DLGAP3: variants seen among roughly 807,000 people sequenced by gnomAD.
The protein encoded by DLGAP3 is disks large-associated protein 3.
DLGAP3 carries 17 observed loss-of-function variants against 81.2 expected under a neutral mutation model. The observed-to-expected ratio is 0.21, with a 90% CI of 0.14 to 0.31. The LOEUF (loss-of-function observed/expected upper bound fraction) is 0.31, where lower values mean the gene tolerates loss of function less well. DLGAP3 is among the 10% of genes least tolerant of loss of function. The pLI is 1.00. For missense variants in DLGAP3, 1,124 were observed against 1,388.0 expected, an observed-to-expected ratio of 0.81 and a Z score of 3.02; for synonymous variants, 577 against 587.4, an observed-to-expected ratio of 0.98 and a Z score of 0.26.
intron 8 of DLGAP3, among the ~76,000 whole-genome samples, chr1:34,882,900 C>T (rs983645659): frequency 1.3e-5 from 2 of 152,112 alleles, no homozygotes; most frequent in African/African-American, 2.4e-5. Context: ...TTTCAGTTCC[C>T]GATGCATGTC....
chr1:34,911,419 T>C (rs1215254222), intron 1 of DLGAP3, among the ~76,000 whole-genome samples: 3 of 152,214 alleles, frequency 2.0e-5, no homozygotes. Context: ...ATGACAATTC[T>C]GGGTGCTGGT....
intron 1 of DLGAP3, 55 bp from the exon 2 acceptor site, chr1:34,907,492 C>A (rs995385502): frequency 7.9e-5 from 12 of 152,758 alleles, no homozygotes; most frequent in African/African-American, 2.9e-4. Context: ...TTCCCACAGT[C>A]CTCAGAGGAC....
At chr1:34,917,777 C>T (rs936738470) in intron 1 of DLGAP3, among the ~76,000 whole-genome samples, 2 of 152,202 alleles carry the variant, frequency 1.3e-5, no homozygotes, top group African/African-American at 2.4e-5. Context: ...CACATCTGCT[C>T]AAGGTCATTC....
intron 1 of DLGAP3, among the ~76,000 whole-genome samples, chr1:34,918,206 G>A (rs1047509753): frequency 1.3e-5 from 2 of 152,184 alleles, no homozygotes; most frequent in South Asian, 4.1e-4. Context: ...AAGCAGCTTG[G>A]GAAGACAGCC....
At chr1:34,871,030 G>A (rs1009154182) in intron 8 of DLGAP3, among the ~76,000 whole-genome samples, 2 of 152,124 alleles carry the variant, frequency 1.3e-5, no homozygotes, top group Non-Finnish European at 2.9e-5. Context: ...TGCCAAGGTA[G>A]TTCCTCTCTC....
chr1:34,868,823 G>T lies in DLGAP3; in HGVS notation c.2267C>A (p.Pro756His). 1 of 1,580,858 alleles carries T rather than the reference G, an allele frequency of 6.3e-7. No homozygotes were observed. ...PYEPPATDGS[P>H]GPAPAPTPGP... Reference sequence around the variant, plus strand: ...GGGGGTGGGGGCGGGGGCAGGGCCGGGCGACCCATCGGTGGCCGGCGGCTC... The same window carrying T: ...GGGGGTGGGGGCGGGGGCAGGGCCGTGCGACCCATCGGTGGCCGGCGGCTC... The change falls in exon 9 of 12, where the codon CCC becomes CAC. Residue 756 changes from proline (P) to histidine (H), a missense_variant. By Grantham distance (77) the Pro-to-His change is moderately conservative. Transcript: ENST00000373347. This position sits in a 1 kb window ranked among gnomAD's most constrained non-coding sequence, Gnocchi z 7.5.
At chr1:34,876,517 G>A (rs921953292) in intron 8 of DLGAP3, among the ~76,000 whole-genome samples, 2 of 152,180 alleles carry the variant, frequency 1.3e-5, no homozygotes, top group African/African-American at 2.4e-5. Flanking sequence ...TTCATGGCTC[G>A]CTTTTATGCA....
In DLGAP3 at chr1:34,904,175, C is replaced by T; in HGVS notation, c.1107+102G>A. 6.9e-7 allele frequency: 1 copy of T among 1,453,612 alleles called. No homozygotes were observed. Among genetic ancestry groups the T allele is most frequent in the East Asian group, 2.3e-5 (1 of 44,238 alleles). 90.0% of individuals were successfully genotyped at this position (1,453,612 alleles called of 1,614,324 possible). A position where few individuals can be genotyped will look rare whatever the true frequency, so the allele number is the denominator to read the frequency against. ...GCCTCCCTACACCCAGGCCCTCCAT[C>T]ACAGGGACAGCTGGCTCCCACCCAA... is the stretch of plus-strand genomic sequence containing the variant. On this transcript the variant is annotated intron_variant, in intron 3 of 11. Transcript: ENST00000373347. This position sits in a 1 kb window ranked among gnomAD's most constrained non-coding sequence, Gnocchi z 8.1.
intron 5 of DLGAP3, among the ~76,000 whole-genome samples, chr1:34,891,180 G>A (rs1454975123): frequency 6.6e-6 from 1 of 152,114 alleles, no homozygotes; most frequent in Non-Finnish European, 1.5e-5. Context: ...CTGGACTTTG[G>A]GTAAGAATAG....
Position 34,891,154 on chromosome 1 carries a change from G to A in DLGAP3, c.1387-4869C>T, listed in dbSNP as rs140163718. On this transcript the variant is annotated intron_variant, in intron 5 of 11. Transcript: ENST00000373347. The stretch of plus-strand genomic sequence containing the variant: ...TCAAAGACATACAACAAAGAAACAT[G>A]TATTCATAAAAATTACTGGACTTTG... 3.2e-3 allele frequency among the ~76,000 whole-genome samples: 485 copies of A among 152,280 alleles called. 1 individual carries two copies. Among genetic ancestry groups the A allele is most frequent in the Non-Finnish European group, 4.9e-3 (331 of 68,026 alleles).
At chr1:34,925,823 G>A (rs1487128211) in intron 1 of DLGAP3, among the ~76,000 whole-genome samples, 1 of 152,116 alleles carries the variant, frequency 6.6e-6, no homozygotes, top group African/African-American at 2.4e-5. Flanking sequence ...CTGGAAGGAA[G>A]AAGAAGGAAC....
intron 8 of DLGAP3, among the ~76,000 whole-genome samples, chr1:34,875,446 T>G (rs1189341705): frequency 6.6e-6 from 1 of 152,242 alleles, no homozygotes; most frequent in Non-Finnish European, 1.5e-5. Context: ...TCATTATTTA[T>G]CTGATCATCA....
intron 5 of DLGAP3, 133 bp from the exon 6 acceptor site, chr1:34,886,418 A>G: frequency 2.3e-6 from 2 of 871,882 alleles, no homozygotes; most frequent in Non-Finnish European, 3.4e-6. Flanking sequence ...ATTTGAACTA[A>G]AAGAAACTCT....
intron 8 of DLGAP3, among the ~76,000 whole-genome samples, chr1:34,882,884 A>G (rs2148400277): frequency 6.6e-6 from 1 of 152,086 alleles, no homozygotes; most frequent in Middle Eastern, 3.4e-3. Flanking sequence ...AGCCACATGG[A>G]CCTTCTTTCA....
At chr1:34,893,855 A>G (rs192792789) in intron 5 of DLGAP3, among the ~76,000 whole-genome samples, 1 of 152,362 alleles carries the variant, frequency 6.6e-6, no homozygotes, top group East Asian at 1.9e-4. Flanking sequence ...CAGAGGATCA[A>G]AAAATAATAT....
intron 5 of DLGAP3, among the ~76,000 whole-genome samples, chr1:34,899,074 C>T (rs1001985400): frequency 1.4e-5 from 2 of 145,842 alleles, no homozygotes; most frequent in Admixed American, 7.1e-5. Context: ...CCTGTCTGTA[C>T]AAATCAATTC....
chr1:34,884,861 T>C, intron 8 of DLGAP3, 117 bp downstream of exon 8: 1 of 820,900 alleles, frequency 1.2e-6, no homozygotes. Flanking sequence ...ATAAAAAGGC[T>C]TGGTCTCACT....
At chr1:34,910,220 C>G (rs1344931093) in intron 1 of DLGAP3, among the ~76,000 whole-genome samples, 1 of 152,218 alleles carries the variant, frequency 6.6e-6, no homozygotes, top group Admixed American at 6.5e-5. Flanking sequence ...GGAATGCGCT[C>G]TTTATTTAAA....
chr1:34,875,220 A>G (rs4652865), intron 8 of DLGAP3, among the ~76,000 whole-genome samples: 113,532 of 151,998 alleles, frequency 0.75, 43,410 homozygotes, highest in Non-Finnish European at 0.83. Context: ...CCCTTCCCAA[A>G]CTCCCAAAGC....
Sources: allele counts gnomAD v4.1 joint callset (sites outside exome capture counted in the v4.1 genomes callset), GRCh38; gene constraint gnomAD v4.1.1; non-coding constraint Gnocchi (gnomAD v3.1); transcripts MANE v1.5; gene names NCBI Gene and HGNC (gene_info 2026-07-23, HGNC 2026-07-21).